SPEN: variants seen among roughly 807,000 people sequenced by gnomAD.
The protein encoded by SPEN is msx2-interacting protein.
In SPEN, 18 loss-of-function variants were observed where a neutral mutation model predicts 269.9. That is an observed-to-expected ratio of 0.07 (90% CI 0.05 to 0.10). The LOEUF is 0.10. Ranked by LOEUF, SPEN falls within the 10% of genes least tolerant of loss-of-function variation. The pLI is 1.00. For missense variants in SPEN, 3,822 were observed against 4,631.2 expected, an observed-to-expected ratio of 0.83 and a Z score of 5.07; for synonymous variants, 1,726 against 1,765.7, an observed-to-expected ratio of 0.98 and a Z score of 0.56.
At chr1:15,904,479 T>TAAAAAAAAAAAAAAAAAA (rs1557750239) in intron 3 of SPEN, among the ~76,000 whole-genome samples, 17 of 81,108 alleles carry the variant, frequency 2.1e-4, no homozygotes, top group Admixed American at 6.2e-4. Flanking sequence ...AAAAAAAAAG[T>TAAAAAAAAAAAAAAAAAA]GAACTAAAAA....
intron 3 of SPEN, among the ~76,000 whole-genome samples, chr1:15,890,116 G>A (rs2070774785): frequency 6.6e-6 from 1 of 152,176 alleles, no homozygotes; most frequent in African/African-American, 2.4e-5. Context: ...TCTTTGCAGA[G>A]TTCGTTTCTA....
At chr1:15,909,533 G>T in intron 4 of SPEN, 52 bp downstream of exon 4, 2 of 1,507,606 alleles carry the variant, frequency 1.3e-6, no homozygotes, top group Non-Finnish European at 1.8e-6. Flanking sequence ...GAGGAATGAG[G>T]TATGATACTG....
At chr1:15,877,404 G>A (rs962889634) in intron 3 of SPEN, among the ~76,000 whole-genome samples, 16 of 152,244 alleles carry the variant, frequency 1.1e-4, no homozygotes, top group African/African-American at 2.9e-4. Context: ...AAGTAGCTGG[G>A]ATTACAAACG....
chr1:15,849,644 T>C (rs2070313390), intron 1 of SPEN, among the ~76,000 whole-genome samples: 1 of 151,864 alleles, frequency 6.6e-6, no homozygotes, highest in South Asian at 2.1e-4. Context: ...GGAGCAAAAA[T>C]TCACCTCTGT....
At chr1:15,919,338 G>T (rs1469048337) in intron 7 of SPEN, 66 bp from the exon 8 acceptor site, 5 of 1,054,120 alleles carry the variant, frequency 4.7e-6, no homozygotes, top group Non-Finnish European at 6.9e-6. Context: ...AGTTTTCTGA[G>T]AATTCTGTTG....
At chr1:15,858,891 C>G (rs1488013132) in intron 1 of SPEN, among the ~76,000 whole-genome samples, 1 of 152,154 alleles carries the variant, frequency 6.6e-6, no homozygotes, top group Admixed American at 6.6e-5. Flanking sequence ...CAGCAGTGAG[C>G]CGATACTGCG....
In SPEN at chr1:15,939,242, G is replaced by T; in HGVS notation, c.10864-54G>T. The T allele has an allele frequency of 6.7e-7, 1 of 1,498,172 alleles. No homozygotes were observed. The highest frequency in any genetic ancestry group is 8.9e-7 in the Non-Finnish European group (1 of 1,120,480). The allele number at this position is 1,498,172 out of a possible 1,614,324, so 92.8% of individuals were successfully genotyped here. A position where few individuals can be genotyped will look rare whatever the true frequency, so the allele number is the denominator to read the frequency against. On this transcript the variant is annotated intron_variant, in intron 14 of 14. Transcript: ENST00000375759. This position sits in a 1 kb window ranked among gnomAD's most constrained non-coding sequence, Gnocchi z 4.1. Reference sequence around the variant, plus strand: ...TCTTCAGGGCTCCCCAATGGAAGTGGAGTTGTGGGGGTGAAGACAGACGGT... The same window carrying T: ...TCTTCAGGGCTCCCCAATGGAAGTGTAGTTGTGGGGGTGAAGACAGACGGT...
intron 1 of SPEN, among the ~76,000 whole-genome samples, chr1:15,864,134 A>G (rs1369491395): frequency 1.3e-5 from 2 of 149,952 alleles, no homozygotes; most frequent in South Asian, 2.1e-4. Context: ...ACGGTAGTCA[A>G]CTCCATAAAG....
Position 15,937,505 on chromosome 1 carries a change from T to C in SPEN, c.10369T>C (p.Leu3457=). 2.5e-6 allele frequency: 4 copies of C among 1,614,074 alleles called. No homozygotes were observed. Among genetic ancestry groups the C allele is most frequent in the Non-Finnish European group, 3.4e-6 (4 of 1,180,014 alleles). Residue 3457 remains leucine, a synonymous_variant, in exon 12 of 15, where the codon TTG becomes CTG. Transcript: ENST00000375759. The surrounding 1 kb of genome is among the most constrained non-coding windows in gnomAD (Gnocchi z 5.7). The part of the protein sequence containing the change: ...LPTQTAPKQP[L]FVPTTSGPST... ...CACTCAGACTGCCCCAAAACAGCCG[T>C]TGTTTGTCCCAACAACCTCTGGCCC...
chr1:15,904,477 A>AAAAAAAAAAAAG (rs1557750214), intron 3 of SPEN, among the ~76,000 whole-genome samples: 1 of 137,948 alleles, frequency 7.2e-6, no homozygotes, highest in African/African-American at 2.6e-5. Flanking sequence ...AAAAAAAAAA[A>AAAAAAAAAAAAG]GTGAACTAAA....
intron 3 of SPEN, among the ~76,000 whole-genome samples, chr1:15,886,447 C>T (rs1402436954): frequency 6.6e-5 from 10 of 152,156 alleles, no homozygotes; most frequent in Non-Finnish European, 1.2e-4. Context: ...CTTGTTTTGC[C>T]AGAGTTTCTC....
chr1:15,880,486 C>G (rs1239456248), intron 3 of SPEN, among the ~76,000 whole-genome samples: 1 of 116,864 alleles, frequency 8.6e-6, no homozygotes, highest in Non-Finnish European at 1.6e-5. Flanking sequence ...GAGACAGGGT[C>G]TCACTCTCGC....
In SPEN at chr1:15,935,111, CAAG is replaced by C; in HGVS notation, c.8875_8877del (p.Lys2959del). 2.5e-6 allele frequency: 4 copies of C among 1,614,080 alleles called. No homozygotes were observed. The highest frequency in any genetic ancestry group is 1.7e-5 in the Admixed American group (1 of 60,012). On this transcript the variant is annotated inframe_deletion, in exon 11 of 15. Transcript: ENST00000375759. The surrounding 1 kb of genome is among the most constrained non-coding windows in gnomAD (Gnocchi z 7.7). Reference sequence around the variant, plus strand: ...TCACCCCAAGCATTGTCACCACAAACAAGAAGCTTGCTGACCCCGTCACCCTTA... The same window carrying C: ...TCACCCCAAGCATTGTCACCACAAACAAGCTTGCTGACCCCGTCACCCTTA...
rs116352163 is a variant in SPEN at position 15,885,696 on chromosome 1, C to G, written c.881+9018C>G. ...TTGAGCGGCTCTCTTAAATACTTTA[C>G]AAAAGAATAAGCATTTGCTTGTTCC... On this transcript the variant is annotated intron_variant, in intron 3 of 14. Transcript: ENST00000375759. Among the ~76,000 whole-genome samples the G allele has an allele frequency of 6.8e-3, 1,041 of 152,266 alleles. 11 individuals carry two copies. Among genetic ancestry groups the G allele is most frequent in the African/African-American group, 0.024 (981 of 41,546 alleles).
intron 3 of SPEN, among the ~76,000 whole-genome samples, chr1:15,904,381 A>G (rs1227126371): frequency 1.4e-5 from 2 of 143,182 alleles, no homozygotes; most frequent in Non-Finnish European, 3.0e-5. Flanking sequence ...CAGGAGAATC[A>G]CTTGAACCTG....
Position 15,848,243 on chromosome 1 carries a change from T to A in SPEN, c.83+93T>A. ...GGCCCCTCCCGGAGCGCGGAGCTGG[T>A]GAGGAGGACTCCGGCCCGGACCCAC... On this transcript the variant is annotated intron_variant, in intron 1 of 14. Coordinates refer to ENST00000375759, the MANE Select transcript of SPEN (RefSeq NM_015001.3). The surrounding 1 kb of genome is among the most constrained non-coding windows in gnomAD (Gnocchi z 5.1). 3.4e-6 allele frequency: 3 copies of A among 894,688 alleles called. No homozygotes were observed. The highest frequency in any genetic ancestry group is 4.7e-6 in the Non-Finnish European group (3 of 634,044). 55.4% of individuals were successfully genotyped at this position (894,688 alleles called of 1,614,324 possible).
intron 3 of SPEN, among the ~76,000 whole-genome samples, chr1:15,890,589 G>T (rs2070779731): frequency 6.8e-6 from 1 of 146,074 alleles, no homozygotes; most frequent in East Asian, 2.0e-4. Flanking sequence ...TTAAGACTGG[G>T]TCTTGCTCTG....
chr1:15,867,529 A>G (rs2148708377), intron 1 of SPEN, among the ~76,000 whole-genome samples: 1 of 152,120 alleles, frequency 6.6e-6, no homozygotes, highest in South Asian at 2.1e-4. Context: ...TCATCAGTTG[A>G]TGGCCATTTA....
At chr1:15,898,355 A>G (rs953398234) in intron 3 of SPEN, among the ~76,000 whole-genome samples, 2 of 152,048 alleles carry the variant, frequency 1.3e-5, no homozygotes, top group African/African-American at 4.8e-5. Flanking sequence ...CCATTAAATA[A>G]TAACTCCCAA....
Sources: gnomAD v4.1 joint callset for allele counts (sites outside exome capture counted in the v4.1 genomes callset) on GRCh38, gnomAD v4.1.1 for gene constraint, Gnocchi (gnomAD v3.1) non-coding constraint, MANE v1.5 for transcripts, NCBI Gene and HGNC (gene_info 2026-07-23, HGNC 2026-07-21) for gene names.